The following PI4K2B variants were observed in gnomAD, a reference collection of about 807,000 sequenced individuals.
PI4K2B encodes the protein phosphatidylinositol 4-kinase type 2-beta.
Under a neutral mutation model 56.6 loss-of-function variants are expected in PI4K2B, and 46 were observed. The ratio of observed to expected loss-of-function variants is 0.81; its 90% CI spans 0.64 to 1.04. The LOEUF is 1.04. Ranked by LOEUF, PI4K2B falls within the 50% of genes least tolerant of loss-of-function variation. The probability of loss-of-function intolerance (pLI) is 0.00; values close to 1 mark genes in which losing one functional copy is unlikely to be tolerated. For synonymous variants in PI4K2B, 211 were observed against 223.8 expected (o/e 0.94, Z 0.51); for missense variants, 556 against 607.7 (o/e 0.91, Z 0.89).
chr4:25,249,626 C>T (rs1428554098), intron 1 of PI4K2B, among the ~76,000 whole-genome samples: 8 of 150,920 alleles, frequency 5.3e-5, no homozygotes, highest in African/African-American at 2.0e-4. Context: ...TCAGATGTGG[C>T]GGCCGGTCAG....
At chr4:25,242,805 C>T (rs971728988) in intron 1 of PI4K2B, among the ~76,000 whole-genome samples, 1 of 152,106 alleles carries the variant, frequency 6.6e-6, no homozygotes, top group Non-Finnish European at 1.5e-5. Flanking sequence ...CATTTTTTGC[C>T]CTTCGAAAGT....
At chr4:25,270,189 CT>C (rs575375866) in intron 9 of PI4K2B, among the ~76,000 whole-genome samples, 87 of 152,236 alleles carry the variant, frequency 5.7e-4, no homozygotes, top group African/African-American at 2.0e-3. Context: ...CAATAGATTA[CT>C]TTTTTTCTTT....
At position 25,252,251 on chromosome 4, in the gene PI4K2B, C is replaced by T. The variant is rs10939044; in HGVS notation, c.269-70C>T. On this transcript the variant is annotated intron_variant, in intron 1 of 9. Coordinates refer to ENST00000264864, the MANE Select transcript of PI4K2B (RefSeq NM_018323.4). ...TTTTCTGTACCTTATATCCTGATACCGGCAAGCTAATCGATATTACAGGTC... is the reference window on the plus strand; with the variant it reads ...TTTTCTGTACCTTATATCCTGATACTGGCAAGCTAATCGATATTACAGGTC... The T allele has an allele frequency of 6.6e-3, 7,443 of 1,130,838 alleles. 280 individuals carry two copies. In the East Asian group the frequency reaches 0.075, roughly 11 times the overall value. The allele number at this position is 1,130,838 out of a possible 1,614,324, so 70.1% of individuals were successfully genotyped here.
At chr4:25,265,620 T>C (rs998550063) in intron 7 of PI4K2B, among the ~76,000 whole-genome samples, 1 of 152,224 alleles carries the variant, frequency 6.6e-6, no homozygotes, top group East Asian at 1.9e-4. Context: ...AGAAGTATTT[T>C]GTTTGATCTT....
chr4:25,252,532 A>G, intron 2 of PI4K2B, 57 bp downstream of exon 2: 1 of 1,058,172 alleles, frequency 9.5e-7, no homozygotes, highest in Non-Finnish European at 1.4e-6. Context: ...TACTAATTTA[A>G]ATATGAAATC....
chr4:25,267,128 G>T (rs907648017), intron 7 of PI4K2B, among the ~76,000 whole-genome samples: 21 of 152,200 alleles, frequency 1.4e-4, no homozygotes, highest in African/African-American at 4.8e-4. Flanking sequence ...AGAGAGATTA[G>T]GTAGCATGAC....
intron 9 of PI4K2B, 145 bp from the exon 10 acceptor site, chr4:25,276,869 T>C (rs902362287): frequency 8.2e-6 from 11 of 1,344,336 alleles, no homozygotes; most frequent in Non-Finnish European, 1.1e-5. Flanking sequence ...ATAATACATA[T>C]TTATAACAGG....
chr4:25,243,774 A>G (rs1028232174), intron 1 of PI4K2B, among the ~76,000 whole-genome samples: 1 of 152,178 alleles, frequency 6.6e-6, no homozygotes, highest in African/African-American at 2.4e-5. Context: ...GACATCATTG[A>G]ATAATTCATG....
chr4:25,272,821 C>G (rs1716950203), intron 9 of PI4K2B, among the ~76,000 whole-genome samples: 1 of 151,956 alleles, frequency 6.6e-6, no homozygotes, highest in African/African-American at 2.4e-5. Flanking sequence ...TGTGATCACA[C>G]CACTACACTC....
chr4:25,263,049 GA>G (rs1326560007), intron 6 of PI4K2B, among the ~76,000 whole-genome samples: 1 of 152,190 alleles, frequency 6.6e-6, no homozygotes, highest in African/African-American at 2.4e-5. Flanking sequence ...GAGTGTAGGA[GA>G]AATGCCAGAC....
chr4:25,244,641 G>C (rs1715681790), intron 1 of PI4K2B, among the ~76,000 whole-genome samples: 1 of 152,176 alleles, frequency 6.6e-6, no homozygotes, highest in Non-Finnish European at 1.5e-5. Flanking sequence ...CATTTCAAGG[G>C]TGAGTCTGTT....
chr4:25,252,349 A>G lies in PI4K2B; in HGVS notation c.297A>G (p.Ala99=), dbSNP rs758640434. The G allele has an allele frequency of 6.8e-6, 11 of 1,611,030 alleles. No individual in the cohort carries two copies. Among genetic ancestry groups the G allele is most frequent in the East Asian group, 2.2e-5 (1 of 44,852 alleles). The change falls in exon 2 of 10, where the codon GCA becomes GCG. Residue 99 remains alanine (A), a synonymous_variant. Transcript: ENST00000264864. ...CTATTGGTACTTCAGAGATGAATGC[A>G]TTCTTGGATGACCCAGAATTTGCCG... The part of the protein sequence containing the change: ...SVTIGTSEMN[A]FLDDPEFADI...
At chr4:25,252,283 A>G (rs773850407) in intron 1 of PI4K2B, 38 bp from the exon 2 acceptor site, 2 of 1,527,346 alleles carry the variant, frequency 1.3e-6, no homozygotes, top group African/African-American at 1.4e-5. Flanking sequence ...GGTCCATATC[A>G]TGAGCATTCT....
chr4:25,244,161 G>A (rs1047298465), intron 1 of PI4K2B, among the ~76,000 whole-genome samples: 3 of 152,190 alleles, frequency 2.0e-5, no homozygotes, highest in Non-Finnish European at 2.9e-5. Context: ...CAGAGAGGGA[G>A]AAGGGGACAT....
chr4:25,244,424 G>A (rs868744398), intron 1 of PI4K2B, among the ~76,000 whole-genome samples: 6 of 152,166 alleles, frequency 3.9e-5, no homozygotes, highest in Admixed American at 1.3e-4. Context: ...TGAAAAGAAA[G>A]CTTGGACATA....
At chr4:25,270,746 A>G (rs2109024823) in intron 9 of PI4K2B, among the ~76,000 whole-genome samples, 1 of 152,270 alleles carries the variant, frequency 6.6e-6, no homozygotes, top group Non-Finnish European at 1.5e-5. Flanking sequence ...CTGTTAGATG[A>G]CTTCTGCTTC....
Position 25,277,117 on chromosome 4 carries a change from G to A in PI4K2B, c.1376G>A (p.Arg459Gln), listed in dbSNP as rs768738939. 1.2e-5 allele frequency: 19 copies of A among 1,613,694 alleles called. No homozygotes were observed. Among genetic ancestry groups the A allele is most frequent in the South Asian group, 6.6e-5 (6 of 91,038 alleles). Residue 459 changes from arginine (R) to glutamine (Q), a missense_variant, in exon 10 of 10, where the codon CGG (arginine) becomes CAG (glutamine). Arg to Gln is a conservative substitution (Grantham distance 43). Coordinates refer to ENST00000264864, the MANE Select transcript of PI4K2B (RefSeq NM_018323.4). ...CGCAGTCAAGGTGGAAGTCAGGGTCGGATTGTCCACCTGAGCAATTCCTTT... is the reference window on the plus strand; with the variant it reads ...CGCAGTCAAGGTGGAAGTCAGGGTCAGATTGTCCACCTGAGCAATTCCTTT... ...VERSQGGSQG[R>Q]IVHLSNSFTQ...
intron 1 of PI4K2B, among the ~76,000 whole-genome samples, chr4:25,237,342 GTTTTT>G (rs36107923): frequency 6.9e-6 from 1 of 144,628 alleles, no homozygotes; most frequent in Non-Finnish European, 1.5e-5. Context: ...TACTATTTTT[GTTTTT>G]TTTTTTTGTT....
intron 7 of PI4K2B, chr4:25,267,868 G>GT (rs1372897376): frequency 1.0e-6 from 1 of 983,532 alleles, no homozygotes. Flanking sequence ...CTGTGTACAA[G>GT]TAAGTGGTCA....
Sources: gnomAD v4.1 joint callset for allele counts (sites outside exome capture counted in the v4.1 genomes callset) on GRCh38, gnomAD v4.1.1 for gene constraint, MANE v1.5 for transcripts, NCBI Gene and HGNC (gene_info 2026-07-23, HGNC 2026-07-21) for gene names.